CACNA2D2: variants seen among roughly 807,000 people sequenced by gnomAD.
CACNA2D2 encodes the protein voltage-dependent calcium channel subunit alpha-2/delta-2.
A neutral mutation model predicts 166.4 loss-of-function variants in CACNA2D2; 48 were observed. That is an observed-to-expected ratio of 0.29 (90% CI 0.23 to 0.37). CACNA2D2 has a LOEUF of 0.37. CACNA2D2 is among the 10% of genes least tolerant of loss of function. The pLI is 1.00. For missense variants in CACNA2D2, 1,122 were observed against 1,433.0 expected (o/e 0.78, Z 3.50); for synonymous variants, 561 against 573.7 (o/e 0.98, Z 0.32).
In CACNA2D2 at chr3:50,379,987, T is replaced by C. The variant is rs922878730; in HGVS notation, c.874A>G (p.Met292Val). The change falls in exon 9 of 38, where the codon ATG (methionine) becomes GTG (valine). Residue 292 changes from methionine (M) to valine (V), a missense_variant. Physicochemically the swap from Met to Val is conservative, Grantham distance 21. Transcript: ENST00000424201. The surrounding 1 kb of genome is among the most constrained non-coding windows in gnomAD (Gnocchi z 6.5). ...ACTCACACATCCACGATGATGACCA[T>C]GTCTTTGGGTGACGAGGCCCCCTGG... Reference protein sequence around the residue: ...YIQGASSPKDMVIIVDVSGSV... With the variant: ...YIQGASSPKDVVIIVDVSGSV... The C allele has an allele frequency of 4.3e-6, 7 of 1,614,090 alleles. No homozygotes were observed. The highest frequency in any genetic ancestry group is 5.9e-6 in the Non-Finnish European group (7 of 1,180,040).
chr3:50,423,138 C>T (rs1036017478), intron 3 of CACNA2D2, among the ~76,000 whole-genome samples: 4 of 152,226 alleles, frequency 2.6e-5, no homozygotes, highest in African/African-American at 7.2e-5. Context: ...CCTATGCCTA[C>T]GCAGCTCATG....
At chr3:50,488,103 G>T (rs1316699108) in intron 1 of CACNA2D2, among the ~76,000 whole-genome samples, 4 of 152,178 alleles carry the variant, frequency 2.6e-5, no homozygotes, top group African/African-American at 7.2e-5. Context: ...AGGTGAAGGT[G>T]GCACCACAGA....
At position 50,364,078 on chromosome 3, in the gene CACNA2D2, G is replaced by GGTA. The variant is rs1412655710; in HGVS notation, c.*585_*587dup. 1 of 154,302 alleles carries GGTA rather than the reference G, an allele frequency of 6.5e-6. No individual in the cohort carries two copies. The highest frequency in any genetic ancestry group is 1.4e-5 in the Non-Finnish European group (1 of 69,454). 9.6% of individuals were successfully genotyped at this position (154,302 alleles called of 1,614,324 possible). On this transcript the variant is annotated 3_prime_UTR_variant, in exon 38 of 38. Transcript: ENST00000424201. ...TCCTCAATGTTCCAGGTGTATATGG[G>GGTA]GTAGTGTCTGAACTGGTATCACTGT...
intron 22 of CACNA2D2, among the ~76,000 whole-genome samples, chr3:50,371,264 C>A (rs1247214554): frequency 6.6e-6 from 1 of 152,114 alleles, no homozygotes; most frequent in Non-Finnish European, 1.5e-5. Flanking sequence ...CCAGAGAGGG[C>A]ATAGGGCTGC....
chr3:50,434,975 G>A (rs2106894891), intron 2 of CACNA2D2, among the ~76,000 whole-genome samples: 1 of 152,356 alleles, frequency 6.6e-6, no homozygotes, highest in South Asian at 2.1e-4. Flanking sequence ...ACTAGCAGGA[G>A]CTCTGGGCAA....
intron 1 of CACNA2D2, among the ~76,000 whole-genome samples, chr3:50,479,843 C>T (rs1457800903): frequency 6.6e-6 from 1 of 152,218 alleles, no homozygotes; most frequent in Non-Finnish European, 1.5e-5. Flanking sequence ...AGGCCACACA[C>T]CCAACACGGA....
chr3:50,366,403 A>C lies in CACNA2D2; in HGVS notation c.2638-65T>G. On this transcript the variant is annotated intron_variant, in intron 30 of 37. Coordinates refer to ENST00000424201, the MANE Select transcript of CACNA2D2 (RefSeq NM_006030.4). This position sits in a 1 kb window ranked among gnomAD's most constrained non-coding sequence, Gnocchi z 5.9. ...GGGCCCCGGACCTTCCACCGCAGGC[A>C]GTCCAGTGGTTCAGAGTTGGGGGGC... 6.4e-7 allele frequency: 1 copy of C among 1,553,360 alleles called. No individual in the cohort carries two copies.
At chr3:50,462,985 C>A (rs2107018794) in intron 2 of CACNA2D2, among the ~76,000 whole-genome samples, 1 of 152,252 alleles carries the variant, frequency 6.6e-6, no homozygotes, top group East Asian at 1.9e-4. Context: ...GGACTGACTG[C>A]TTTGACTCCA....
intron 2 of CACNA2D2, among the ~76,000 whole-genome samples, chr3:50,473,065 G>A (rs1046968775): frequency 2.0e-5 from 3 of 152,182 alleles, no homozygotes; most frequent in Non-Finnish European, 4.4e-5. Context: ...AGGGTGTCTG[G>A]ACAAGCGTGG....
chr3:50,409,198 CAG>C (rs565476567), intron 3 of CACNA2D2, among the ~76,000 whole-genome samples: 348 of 152,328 alleles, frequency 2.3e-3, no homozygotes, highest in Non-Finnish European at 4.0e-3. Context: ...AATGATAAAA[CAG>C]AGGAACGCTG....
chr3:50,376,108 G>A lies in CACNA2D2; in HGVS notation c.1701+6C>T. ...GCCCACCCTCCAGGCCACCCGTCTG[G>A]CTCACCTGGGGCTTGAGATTGGGGT... On this transcript the variant is annotated splice_donor_region_variant and intron_variant, in intron 18 of 37. Transcript: ENST00000424201. The surrounding 1 kb of genome is among the most constrained non-coding windows in gnomAD (Gnocchi z 4.3). 6.2e-7 allele frequency: 1 copy of A among 1,613,386 alleles called. No homozygotes were observed. Among genetic ancestry groups the A allele is most frequent in the Non-Finnish European group, 8.5e-7 (1 of 1,179,986 alleles).
At chr3:50,374,917 C>T in intron 21 of CACNA2D2, 104 bp from the exon 22 acceptor site, 2 of 894,170 alleles carry the variant, frequency 2.2e-6, no homozygotes, top group East Asian at 2.6e-5. Flanking sequence ...TGCAGCATCC[C>T]CTCCTCCCAC....
At chr3:50,445,116 G>C (rs995266764) in intron 2 of CACNA2D2, among the ~76,000 whole-genome samples, 1 of 152,236 alleles carries the variant, frequency 6.6e-6, no homozygotes, top group Non-Finnish European at 1.5e-5. Context: ...TCAAAAAGTG[G>C]TGTGTGGCCA....
At chr3:50,451,968 A>G (rs2236982) in intron 2 of CACNA2D2, among the ~76,000 whole-genome samples, 14,758 of 152,210 alleles carry the variant, frequency 0.097, 2,091 homozygotes, top group African/African-American at 0.31. Context: ...AAGCTGCACA[A>G]GTCTCATGAT....
At position 50,497,079 on chromosome 3, in the gene CACNA2D2, C is replaced by G. The variant is rs887198541; in HGVS notation, c.206+6139G>C. 3.9e-5 allele frequency among the ~76,000 whole-genome samples: 6 copies of G among 152,278 alleles called. No homozygotes were observed. In the East Asian group the frequency reaches 1.2e-3, roughly 29 times the overall value. On this transcript the variant is annotated intron_variant, in intron 1 of 37. Coordinates refer to ENST00000424201, the MANE Select transcript of CACNA2D2 (RefSeq NM_006030.4). ...TGATCAGAACTCAAAGGGGGTCAAT[C>G]TGAAAAGCAGCCATGAGACACCCAA...
chr3:50,390,292 G>T lies in CACNA2D2; in HGVS notation c.466-2680C>A, dbSNP rs587708851. ...TGCTGAGGAATTCCAGGGGTCACCCGCGAGGAGGCAAGGCTGCCCAGTTAA... is the reference window on the plus strand; with the variant it reads ...TGCTGAGGAATTCCAGGGGTCACCCTCGAGGAGGCAAGGCTGCCCAGTTAA... On this transcript the variant is annotated intron_variant, in intron 4 of 37. Coordinates refer to ENST00000424201, the MANE Select transcript of CACNA2D2 (RefSeq NM_006030.4). Among the ~76,000 whole-genome samples the T allele has an allele frequency of 7.9e-5, 12 of 152,284 alleles. No homozygotes were observed. The South Asian group carries it at 2.5e-3, about 32-fold the overall frequency.
chr3:50,497,469 A>C (rs546483151), intron 1 of CACNA2D2, among the ~76,000 whole-genome samples: 202 of 152,332 alleles, frequency 1.3e-3, no homozygotes, highest in African/African-American at 4.6e-3. Flanking sequence ...CACCAGGCTC[A>C]GTCACGGGTA....
Position 50,365,277 on chromosome 3 carries a change from G to T in CACNA2D2, c.3098+79C>A. Reference sequence around the variant, plus strand: ...CCGCCCCCGGCCGCTCGGAGGCCCCGCCCCTTCCATCCTCCCGAGCGTCTC... The same window carrying T: ...CCGCCCCCGGCCGCTCGGAGGCCCCTCCCCTTCCATCCTCCCGAGCGTCTC... On this transcript the variant is annotated intron_variant, in intron 35 of 37. Transcript: ENST00000424201. This position sits in a 1 kb window ranked among gnomAD's most constrained non-coding sequence, Gnocchi z 4.5. 1 of 986,942 alleles carries T rather than the reference G, an allele frequency of 1.0e-6. No homozygotes were observed. 61.1% of individuals were successfully genotyped at this position (986,942 alleles called of 1,614,324 possible).
At chr3:50,411,413 GA>G (rs1707010579) in intron 3 of CACNA2D2, among the ~76,000 whole-genome samples, 1 of 152,170 alleles carries the variant, frequency 6.6e-6, no homozygotes, top group Non-Finnish European at 1.5e-5. Flanking sequence ...CACCAGAGTG[GA>G]GGGGAGGGGC....
Sources: allele counts gnomAD v4.1 joint callset (sites outside exome capture counted in the v4.1 genomes callset), GRCh38; gene constraint gnomAD v4.1.1; non-coding constraint Gnocchi (gnomAD v3.1); transcripts MANE v1.5; gene names NCBI Gene and HGNC (gene_info 2026-07-23, HGNC 2026-07-21).